Variants in PCSK5 observed in about 807,000 individuals in gnomAD.
PCSK5 encodes the protein proprotein convertase subtilisin/kexin type 5, also known as prohormone convertase 5.
In PCSK5, 129 loss-of-function variants were observed where a neutral mutation model predicts 233.2. The ratio of observed to expected loss-of-function variants is 0.55; its 90% confidence interval spans 0.48 to 0.64. The LOEUF (loss-of-function observed/expected upper bound fraction) is 0.64, where lower values mean the gene tolerates loss of function less well. PCSK5 is among the 30% of genes least tolerant of loss of function. The probability of loss-of-function intolerance (pLI) is 0.00; values close to 1 mark genes in which losing one functional copy is unlikely to be tolerated. For missense variants in PCSK5, 2,076 were observed against 2,430.1 expected (o/e 0.85, Z 3.06); for synonymous variants, 825 against 879.2 (o/e 0.94, Z 1.09).
chr9:76,153,386 T>C (rs1823752951), intron 10 of PCSK5, among the ~76,000 whole-genome samples: 1 of 152,232 alleles, frequency 6.6e-6, no homozygotes, highest in Non-Finnish European at 1.5e-5. Context: ...CTCTTAGGAA[T>C]GAAAAATTCT....
rs1427250144 is a variant in PCSK5, at chr9:76,350,923, G to T, written c.5062G>T (p.Gly1688Ter). The T allele has an allele frequency of 1.9e-6, 3 of 1,554,512 alleles. No homozygotes were observed. The African/African-American group carries it at 4.1e-5, about 21-fold the overall frequency. The change falls in exon 36 of 38, where the codon GGA becomes TGA. Residue 1688 changes from glycine to a stop codon, truncating the protein, a stop_gained. Coordinates refer to ENST00000674117, the MANE Select transcript of PCSK5 (RefSeq NM_001372043.1). LOFTEE classifies it high-confidence loss of function. Reference protein sequence around the residue: ...SDCLVGEYRVGEGEKFNCEKC... With the variant: ...SDCLVGEYRV ...CTGTCTTGTGGGGGAATACAGAGTG[G>T]GAGAGGTATGGAGGGCTGGGGGTCC...
chr9:76,296,747 C>T lies in PCSK5; in HGVS notation c.3405C>T (p.Cys1135=), dbSNP rs540316938. The T allele has an allele frequency of 1.4e-5, 22 of 1,611,772 alleles. No individual in the cohort carries two copies. The highest frequency in any genetic ancestry group is 6.6e-5 in the South Asian group (6 of 91,054). ...AATGTGAGTCCTGCCACCGAGCATG[C>T]GAAACCTGCACAGGCCCTGGTCATG... is the stretch of plus-strand genomic sequence containing the variant. The part of the protein sequence containing the change: ...MGECESCHRA[C]ETCTGPGHDE... Residue 1135 remains cysteine (C), a synonymous_variant, in exon 27 of 38, where the codon TGC becomes TGT. Transcript: ENST00000674117.
At chr9:76,130,760 G>A (rs1822731157) in intron 9 of PCSK5, among the ~76,000 whole-genome samples, 5 of 152,064 alleles carry the variant, frequency 3.3e-5, no homozygotes. Flanking sequence ...TTATAAATGT[G>A]ACTCTCTTCA....
chr9:76,302,479 G>A (rs906591405), intron 28 of PCSK5, among the ~76,000 whole-genome samples: 1 of 152,160 alleles, frequency 6.6e-6, no homozygotes, highest in African/African-American at 2.4e-5. Flanking sequence ...AATGGTCATG[G>A]CTGGCAGAGG....
At chr9:76,337,243 C>G (rs1829702602) in intron 34 of PCSK5, among the ~76,000 whole-genome samples, 1 of 150,866 alleles carries the variant, frequency 6.6e-6, no homozygotes, top group Admixed American at 6.6e-5. Flanking sequence ...GGTGTGCTCT[C>G]AGCTCACTCT....
At chr9:76,215,633 G>C (rs1221490506) in intron 20 of PCSK5, among the ~76,000 whole-genome samples, 3 of 152,048 alleles carry the variant, frequency 2.0e-5, no homozygotes, top group Non-Finnish European at 4.4e-5. Flanking sequence ...TAATAATGGA[G>C]AGTGGAGGCC....
In PCSK5 at chr9:76,362,732, T is replaced by C. The variant is rs1178901781; in HGVS notation, c.*3810T>C. ...CTAACCGGTTATGTTATCTATAGATTCCAGACATTGTATGGAAGAGCATTG... is the reference window on the plus strand; with the variant it reads ...CTAACCGGTTATGTTATCTATAGATCCCAGACATTGTATGGAAGAGCATTG... On this transcript the variant is annotated 3_prime_UTR_variant, in exon 38 of 38. Transcript: ENST00000674117. Among the ~76,000 whole-genome samples, 1 of 152,226 alleles carries C rather than the reference T, an allele frequency of 6.6e-6. No individual in the cohort carries two copies. The highest frequency in any genetic ancestry group is 1.5e-5 in the Non-Finnish European group (1 of 68,036).
intron 1 of PCSK5, among the ~76,000 whole-genome samples, chr9:75,899,525 C>T (rs1825940042): frequency 6.6e-6 from 1 of 152,166 alleles, no homozygotes; most frequent in South Asian, 2.1e-4. Flanking sequence ...CTTTGACCTA[C>T]ATCTCCCTCC....
chr9:76,310,797 A>T lies in PCSK5; in HGVS notation c.3830A>T (p.Gln1277Leu), dbSNP rs1828843942. ...GATCTTTGCAAAAAATGCCAGATGC[A>T]GCCGGGCCACCCTCTCTTCCTCCAT... ...GADLCKKCQM[Q>L]PGHPLFLHEG... Residue 1277 changes from glutamine to leucine, a missense_variant, in exon 30 of 38, where the codon CAG becomes CTG. Physicochemically the swap from Gln to Leu is moderately radical, Grantham distance 113. Coordinates refer to ENST00000674117, the MANE Select transcript of PCSK5 (RefSeq NM_001372043.1). The T allele has an allele frequency of 2.5e-6, 4 of 1,611,744 alleles. No individual in the cohort carries two copies. The highest frequency in any genetic ancestry group is 3.4e-6 in the Non-Finnish European group (4 of 1,179,446).
intron 24 of PCSK5, among the ~76,000 whole-genome samples, chr9:76,283,764 T>A (rs1564155370): frequency 6.6e-6 from 1 of 152,364 alleles, no homozygotes; most frequent in East Asian, 1.9e-4. Context: ...GTACTAAAGC[T>A]ACAGAAGGTG....
chr9:76,240,570 C>A, intron 23 of PCSK5, 46 bp from the exon 24 acceptor site: 4 of 1,244,908 alleles, frequency 3.2e-6, no homozygotes, highest in South Asian at 2.6e-5. Context: ...AACGTGTCTC[C>A]ACTCAATGGA....
At chr9:76,268,525 C>G (rs1296230480) in intron 24 of PCSK5, among the ~76,000 whole-genome samples, 1 of 152,156 alleles carries the variant, frequency 6.6e-6, no homozygotes, top group Non-Finnish European at 1.5e-5. Flanking sequence ...TAAGGAGAAA[C>G]TAGAAGATAC....
At chr9:76,351,451 A>AGAAG (rs1830125487) in intron 36 of PCSK5, among the ~76,000 whole-genome samples, 3 of 42,522 alleles carry the variant, frequency 7.1e-5, no homozygotes, top group African/African-American at 3.3e-4. Flanking sequence ...AAGAAAGGAA[A>AGAAG]GAAAGAAAGA....
At chr9:76,215,013 C>G (rs1258455578) in intron 20 of PCSK5, among the ~76,000 whole-genome samples, 1 of 152,164 alleles carries the variant, frequency 6.6e-6, no homozygotes, top group African/African-American at 2.4e-5. Flanking sequence ...TGTTTTTATT[C>G]CATAGAAAAT....
Position 76,189,218 on chromosome 9 carries a change from C to T in PCSK5, c.2505C>T (p.Cys835=), listed in dbSNP as rs764704447. The change falls in exon 19 of 38, where the codon TGC becomes TGT. Residue 835 remains cysteine, a synonymous_variant. Transcript: ENST00000674117. The stretch of plus-strand genomic sequence containing the variant: ...CTTCAGAGAATGGATACAAATCCTG[C>T]AAAAAGTAAGTGGATCTGCCCCCTG... ...DHSSENGYKS[C]KKCDISCLTC... is the part of the protein sequence containing the mutation. The T allele has an allele frequency of 3.1e-6, 5 of 1,612,126 alleles. No individual in the cohort carries two copies. Among genetic ancestry groups the T allele is most frequent in the African/African-American group, 1.3e-5 (1 of 74,846 alleles).
At chr9:75,892,864 A>G (rs1469904605) in intron 1 of PCSK5, among the ~76,000 whole-genome samples, 3 of 152,216 alleles carry the variant, frequency 2.0e-5, no homozygotes, top group Non-Finnish European at 4.4e-5. Flanking sequence ...GACTAGGGCA[A>G]GGGGCACGGT....
intron 35 of PCSK5, 82 bp from the exon 36 acceptor site, chr9:76,350,746 C>T (rs1830099367): frequency 1.2e-6 from 1 of 859,756 alleles, no homozygotes; most frequent in Non-Finnish European, 1.9e-6. Flanking sequence ...TTGACATATT[C>T]CTTGTTCCTA....
intron 30 of PCSK5, among the ~76,000 whole-genome samples, chr9:76,315,641 A>ATTTTT (rs777066898): frequency 1.4e-5 from 2 of 139,102 alleles, no homozygotes; most frequent in Non-Finnish European, 3.1e-5. Context: ...GGAGAAGACT[A>ATTTTT]CTTTTTTTTT....
Position 76,233,475 on chromosome 9 carries a change from C to G in PCSK5, c.2745C>G (p.Gly915=). Residue 915 remains glycine, a synonymous_variant, in exon 22 of 38, where the codon GGC becomes GGG. Transcript: ENST00000674117. ...TTTCCTCTAGGATTTTTGATGATGGCCGCTGTGTTTCGAACTGCCCCTCAT... is the reference window on the plus strand; with the variant it reads ...TTTCCTCTAGGATTTTTGATGATGGGCGCTGTGTTTCGAACTGCCCCTCAT... The part of the protein sequence containing the change: ...TCPMTRIFDD[G]RCVSNCPSWK... 1.2e-6 allele frequency: 2 copies of G among 1,612,642 alleles called. No homozygotes were observed. The highest frequency in any genetic ancestry group is 1.7e-6 in the Non-Finnish European group (2 of 1,179,790).
Sources: allele counts gnomAD v4.1 joint callset (sites outside exome capture counted in the v4.1 genomes callset), GRCh38; gene constraint gnomAD v4.1.1; transcripts MANE v1.5; gene names NCBI Gene and HGNC (gene_info 2026-07-23, HGNC 2026-07-21).